Variants in TDRD7 observed in about 807,000 individuals in gnomAD.
The protein encoded by TDRD7 is tudor domain containing 7.
A neutral mutation model predicts 109.8 loss-of-function variants in TDRD7; 47 were observed. That is an observed-to-expected ratio of 0.43 (90% CI 0.34 to 0.55). The LOEUF is 0.55. TDRD7 is among the 20% of genes least tolerant of loss of function. TDRD7 has a pLI of 0.03. For synonymous variants in TDRD7, 424 were observed against 457.3 expected, an observed-to-expected ratio of 0.93 and a Z score of 0.93; for missense variants, 1,164 against 1,319.2, an observed-to-expected ratio of 0.88 and a Z score of 1.82.
intron 1 of TDRD7, among the ~76,000 whole-genome samples, chr9:97,420,672 T>G (rs1827884684): frequency 6.6e-6 from 1 of 152,226 alleles, no homozygotes; most frequent in Admixed American, 6.5e-5. Flanking sequence ...GTTTATCTAC[T>G]TACCTTTTGA....
chr9:97,442,477 T>G (rs1828323899), intron 6 of TDRD7, among the ~76,000 whole-genome samples: 1 of 152,316 alleles, frequency 6.6e-6, no homozygotes, highest in South Asian at 2.1e-4. Flanking sequence ...ATTATAAGAT[T>G]ATGGATCAGC....
intron 7 of TDRD7, 98 bp downstream of exon 7, chr9:97,460,862 C>A: frequency 8.5e-7 from 1 of 1,182,570 alleles, no homozygotes; most frequent in Non-Finnish European, 1.2e-6. Context: ...AATAATATGG[C>A]CGGGTGCGGT....
At chr9:97,448,376 A>G (rs1316764700) in intron 6 of TDRD7, among the ~76,000 whole-genome samples, 4 of 152,196 alleles carry the variant, frequency 2.6e-5, no homozygotes, top group Middle Eastern at 3.2e-3. Context: ...GCATTGTGAC[A>G]TAGTGATGCC....
In TDRD7 at chr9:97,432,028, A is replaced by G; in HGVS notation, c.353A>G (p.Lys118Arg). The change falls in exon 4 of 17, where the codon AAA becomes AGA. Residue 118 changes from lysine to arginine, a missense_variant. This residue lies in a region of TDRD7 where 101 missense variants were observed against 148.5 expected (regional missense o/e 0.68). Transcript: ENST00000355295. ...TTATGTATGCCTAACTTCATAGGAA[A>G]ACCAAAAGCAACCCTCAGACAACCA... ...KKTMPFFLEG[K>R]PKATLRQPGF... is the part of the protein sequence containing the mutation. 6.2e-7 allele frequency: 1 copy of G among 1,613,668 alleles called. No homozygotes were observed. Among genetic ancestry groups the G allele is most frequent in the African/African-American group, 1.3e-5 (1 of 74,976 alleles).
intron 7 of TDRD7, among the ~76,000 whole-genome samples, chr9:97,463,437 C>G (rs906870391): frequency 1.3e-5 from 2 of 149,720 alleles, no homozygotes; most frequent in African/African-American, 4.9e-5. Context: ...ATCTTCTGCC[C>G]TGCTGATAAT....
At chr9:97,437,510 T>G (rs1340269929) in intron 4 of TDRD7, among the ~76,000 whole-genome samples, 9 of 152,186 alleles carry the variant, frequency 5.9e-5, no homozygotes, top group Admixed American at 6.6e-5. Flanking sequence ...TTGTGATCCC[T>G]TCAGCCTTGA....
chr9:97,461,341 T>C (rs570580682), intron 7 of TDRD7, among the ~76,000 whole-genome samples: 1 of 152,244 alleles, frequency 6.6e-6, no homozygotes, highest in East Asian at 1.9e-4. Context: ...TCAAAAGCAA[T>C]ACCTAGTTCG....
intron 16 of TDRD7, among the ~76,000 whole-genome samples, chr9:97,491,142 T>C (rs1424631911): frequency 6.6e-6 from 1 of 152,176 alleles, no homozygotes; most frequent in Non-Finnish European, 1.5e-5. Context: ...GGTCTCGAAC[T>C]CCTGACTTCG....
At chr9:97,463,229 A>G (rs2131152682) in intron 7 of TDRD7, among the ~76,000 whole-genome samples, 1 of 152,002 alleles carries the variant, frequency 6.6e-6, no homozygotes, top group Admixed American at 6.5e-5. Context: ...GTAACACAGC[A>G]GTGAAACCCT....
At chr9:97,416,695 AT>A (rs1827817496) in intron 1 of TDRD7, among the ~76,000 whole-genome samples, 1 of 152,318 alleles carries the variant, frequency 6.6e-6, no homozygotes, top group Admixed American at 6.5e-5. Context: ...TTTGCAGATA[AT>A]TTTTTAGTAA....
At chr9:97,422,476 T>C (rs1332289517) in intron 1 of TDRD7, among the ~76,000 whole-genome samples, 1 of 152,254 alleles carries the variant, frequency 6.6e-6, no homozygotes, top group East Asian at 1.9e-4. Flanking sequence ...GATTGTTCTT[T>C]TGATAATATT....
At chr9:97,462,729 C>T (rs1033502421) in intron 7 of TDRD7, among the ~76,000 whole-genome samples, 14 of 152,238 alleles carry the variant, frequency 9.2e-5, no homozygotes, top group Admixed American at 7.9e-4. Flanking sequence ...ACCTCATTCT[C>T]GTCATTACCC....
chr9:97,474,423 G>C (rs1410189286), intron 11 of TDRD7, among the ~76,000 whole-genome samples: 1 of 152,042 alleles, frequency 6.6e-6, no homozygotes, highest in African/African-American at 2.4e-5. Context: ...TTAGCTATTT[G>C]GGTACTTATT....
intron 9 of TDRD7, among the ~76,000 whole-genome samples, chr9:97,471,305 A>G (rs535276697): frequency 6.6e-6 from 1 of 152,312 alleles, no homozygotes; most frequent in Admixed American, 6.5e-5. Flanking sequence ...AATGCAGAAA[A>G]TGATCATAAT....
rs1827733123 is a variant in TDRD7 at position 97,412,471 on chromosome 9, T to G, written c.-7+233T>G. Among the ~76,000 whole-genome samples, 1 of 152,006 alleles carries G rather than the reference T, an allele frequency of 6.6e-6. No individual in the cohort carries two copies. The highest frequency in any genetic ancestry group is 1.5e-5 in the Non-Finnish European group (1 of 67,982). ...GTTCCAGAGCGTTGTGTTTTAAATCTCTGAAGGGACCCTGCTCCGGGCCGG... is the reference window on the plus strand; with the variant it reads ...GTTCCAGAGCGTTGTGTTTTAAATCGCTGAAGGGACCCTGCTCCGGGCCGG... On this transcript the variant is annotated intron_variant, in intron 1 of 16. Coordinates refer to ENST00000355295, the MANE Select transcript of TDRD7 (RefSeq NM_014290.3). The surrounding 1 kb of genome is among the most constrained non-coding windows in gnomAD (Gnocchi z 4.3).
chr9:97,459,093 T>G (rs1828666217), intron 6 of TDRD7, among the ~76,000 whole-genome samples: 1 of 152,220 alleles, frequency 6.6e-6, no homozygotes, highest in Admixed American at 6.5e-5. Context: ...GCAAGGAATT[T>G]TAACTTCAGT....
intron 15 of TDRD7, 73 bp from the exon 16 acceptor site, chr9:97,487,099 A>C (rs1829223614): frequency 6.7e-7 from 1 of 1,482,486 alleles, no homozygotes; most frequent in African/African-American, 1.4e-5. Flanking sequence ...TTTATCATAA[A>C]ATATTTCTTG....
intron 7 of TDRD7, among the ~76,000 whole-genome samples, chr9:97,461,544 G>A (rs1166561660): frequency 6.6e-6 from 1 of 152,230 alleles, no homozygotes. Flanking sequence ...CATTGCCTAA[G>A]GCATCATTGC....
At chr9:97,427,513 G>T (rs1420121348) in intron 1 of TDRD7, among the ~76,000 whole-genome samples, 3 of 152,134 alleles carry the variant, frequency 2.0e-5, no homozygotes, top group Non-Finnish European at 2.9e-5. Flanking sequence ...TCTGTGACCA[G>T]CTTAGACTTC....
Sources: allele counts gnomAD v4.1 joint callset (sites outside exome capture counted in the v4.1 genomes callset), GRCh38; gene constraint gnomAD v4.1.1; regional missense constraint gnomAD v4.1.1; non-coding constraint Gnocchi (gnomAD v3.1); transcripts MANE v1.5; gene names NCBI Gene and HGNC (gene_info 2026-07-23, HGNC 2026-07-21).